Variants in ANK1 observed in about 807,000 individuals in gnomAD.
ANK1 encodes the protein ankyrin-1.
A neutral mutation model predicts 210.4 loss-of-function variants in ANK1; 51 were observed. The ratio of observed to expected loss-of-function variants is 0.24; its 90% CI spans 0.19 to 0.31. The LOEUF (loss-of-function observed/expected upper bound fraction) is 0.31. Among genes scored for constraint, ANK1 ranks in the 10% least tolerant of loss-of-function variants. The pLI, the probability that ANK1 is intolerant of heterozygous loss-of-function variation, is 1.00. For missense variants in ANK1, 2,051 were observed against 2,504.4 expected (o/e 0.82, Z 3.86); for synonymous variants, 967 against 1,025.9 (o/e 0.94, Z 1.10).
rs79424877 is a variant in ANK1, at chr8:41,846,283, G to C, written c.126+50072C>G. On this transcript the variant is annotated intron_variant, in intron 1 of 42. Coordinates refer to the ANK1 transcript ENST00000265709. The stretch of plus-strand genomic sequence containing the variant: ...GCCGCAAAGCCCAGAGCTCTCTCCA[G>C]CAGCCCACACTGCCCATTATGCTGG... Among the ~76,000 whole-genome samples the C allele has an allele frequency of 4.7e-3, 709 of 152,366 alleles. 4 individuals are homozygous for C. The highest frequency in any genetic ancestry group is 0.027 in the East Asian group (139 of 5,192).
intron 1 of ANK1, among the ~76,000 whole-genome samples, chr8:41,846,994 G>A (rs1473602570): frequency 1.3e-5 from 2 of 152,158 alleles, no homozygotes; most frequent in African/African-American, 4.8e-5. Context: ...CCTCTCATGG[G>A]GTTTTCACAC....
chr8:41,716,606 T>A (rs1158904643), intron 13 of ANK1, among the ~76,000 whole-genome samples: 2 of 152,188 alleles, frequency 1.3e-5, no homozygotes, highest in Non-Finnish European at 2.9e-5. Flanking sequence ...ACTCTCCAGT[T>A]TTAGATCAAG....
At chr8:41,749,295 C>CTTTTTTT (rs35569972) in intron 2 of ANK1, among the ~76,000 whole-genome samples, 1 of 115,440 alleles carries the variant, frequency 8.7e-6, no homozygotes, top group Non-Finnish European at 1.7e-5. Flanking sequence ...TCATCTTGGA[C>CTTTTTTT]TTTTTTTTTT....
At chr8:41,878,195 T>A (rs1816932955) in intron 1 of ANK1, among the ~76,000 whole-genome samples, 1 of 152,186 alleles carries the variant, frequency 6.6e-6, no homozygotes, top group Admixed American at 6.5e-5. Context: ...TCTGCACCAA[T>A]TCTGGAGAGT....
chr8:41,687,546 C>T (rs1220731408), intron 35 of ANK1, among the ~76,000 whole-genome samples: 1 of 152,208 alleles, frequency 6.6e-6, no homozygotes, highest in Non-Finnish European at 1.5e-5. Context: ...CACTCCAAAG[C>T]CCTTAACAGC....
At chr8:41,865,711 T>C (rs1344304392) in intron 1 of ANK1, among the ~76,000 whole-genome samples, 1 of 151,812 alleles carries the variant, frequency 6.6e-6, no homozygotes, top group African/African-American at 2.4e-5. Flanking sequence ...TTCTTCCCTC[T>C]CCCTCCTCCC....
chr8:41,756,231 C>T (rs12335070), intron 2 of ANK1, among the ~76,000 whole-genome samples: 15,676 of 152,058 alleles, frequency 0.1, 916 homozygotes, highest in South Asian at 0.15. Context: ...CTGCAACCTC[C>T]GCCTCCTGGG....
At chr8:41,861,378 C>CA (rs2150818350) in intron 1 of ANK1, among the ~76,000 whole-genome samples, 1 of 152,332 alleles carries the variant, frequency 6.6e-6, no homozygotes, top group African/African-American at 2.4e-5. Context: ...GGGAACACTG[C>CA]AGGACAGAAC....
At chr8:41,733,591 A>C (rs1005345103) in intron 3 of ANK1, among the ~76,000 whole-genome samples, 5 of 152,234 alleles carry the variant, frequency 3.3e-5, no homozygotes, top group Non-Finnish European at 7.3e-5. Context: ...CTGAGGCTTC[A>C]CAGTGGCCAA....
chr8:41,792,260 T>G (rs1231141213), intron 1 of ANK1, among the ~76,000 whole-genome samples: 1 of 152,224 alleles, frequency 6.6e-6, no homozygotes, highest in Non-Finnish European at 1.5e-5. Context: ...CGGAGAATGA[T>G]GACAAACGCC....
chr8:41,836,790 C>A (rs1807814382), intron 1 of ANK1, among the ~76,000 whole-genome samples: 1 of 152,068 alleles, frequency 6.6e-6, no homozygotes, highest in Non-Finnish European at 1.5e-5. Flanking sequence ...CATAGTGGCA[C>A]ACACCTGTAA....
chr8:41,686,286 G>T lies in ANK1; in HGVS notation c.4259-3C>A. Reference sequence around the variant, plus strand: ...GAACTGCAGCTCCCGGGCCAACTCTGCAAGCAAAGAACCAACAGCAGATGT... The same window carrying T: ...GAACTGCAGCTCCCGGGCCAACTCTTCAAGCAAAGAACCAACAGCAGATGT... On this transcript the variant is annotated splice_polypyrimidine_tract_variant and splice_region_variant and intron_variant, in intron 35 of 42. Transcript: ENST00000289734. 6.2e-7 allele frequency: 1 copy of T among 1,613,484 alleles called. No homozygotes were observed. The highest frequency in any genetic ancestry group is 1.1e-5 in the South Asian group (1 of 91,048).
chr8:41,712,585 G>C (rs1207471126), intron 16 of ANK1, among the ~76,000 whole-genome samples: 1 of 152,206 alleles, frequency 6.6e-6, no homozygotes, highest in Non-Finnish European at 1.5e-5. Context: ...CCCGCAAAAG[G>C]CTCTTCTTTC....
At chr8:41,847,263 A>G (rs1810234408) in intron 1 of ANK1, among the ~76,000 whole-genome samples, 2 of 152,236 alleles carry the variant, frequency 1.3e-5, no homozygotes, top group African/African-American at 4.8e-5. Flanking sequence ...CCAAGTGGAC[A>G]CTTAGGGATG....
chr8:41,700,701 G>T (rs950341536), intron 22 of ANK1, among the ~76,000 whole-genome samples: 2 of 152,176 alleles, frequency 1.3e-5, no homozygotes, highest in African/African-American at 4.8e-5. Context: ...AATAAGGTTT[G>T]CTGGGGGTAG....
At chr8:41,697,063 C>G (rs545371664) in intron 24 of ANK1, among the ~76,000 whole-genome samples, 1 of 139,300 alleles carries the variant, frequency 7.2e-6, no homozygotes, top group East Asian at 2.2e-4. Flanking sequence ...GCCCCAGGCC[C>G]GCTGCACCTG....
chr8:41,830,759 T>A (rs545138702), intron 1 of ANK1, among the ~76,000 whole-genome samples: 142 of 152,314 alleles, frequency 9.3e-4, no homozygotes, highest in Non-Finnish European at 1.8e-3. Context: ...TCTGTGTCGG[T>A]TCTGCTTGAA....
intron 1 of ANK1, among the ~76,000 whole-genome samples, chr8:41,765,371 C>T (rs559198512): frequency 3.3e-5 from 5 of 151,496 alleles, no homozygotes; most frequent in African/African-American, 1.2e-4. Flanking sequence ...CCCCTTCCCC[C>T]GAATAGCTGA....
chr8:41,819,639 T>C (rs1803873478), intron 1 of ANK1, among the ~76,000 whole-genome samples: 1 of 152,160 alleles, frequency 6.6e-6, no homozygotes, highest in South Asian at 2.1e-4. Context: ...CAAAAGCCCT[T>C]AAGAACTGGG....
Sources: gnomAD v4.1 joint callset for allele counts (sites outside exome capture counted in the v4.1 genomes callset) on GRCh38, gnomAD v4.1.1 for gene constraint, MANE v1.5 for transcripts, NCBI Gene and HGNC (gene_info 2026-07-23, HGNC 2026-07-21) for gene names.